The following RBFOX1 variants were observed in gnomAD, a reference collection of about 807,000 sequenced individuals.
RBFOX1 encodes RNA binding fox-1 homolog 1, also known as RNA binding protein fox-1 homolog 1.
In RBFOX1, 8 loss-of-function variants were observed where a neutral mutation model predicts 57.7. The observed-to-expected ratio is 0.14, with a 90% CI of 0.08 to 0.25. RBFOX1 has a LOEUF of 0.25. Ranked by LOEUF, RBFOX1 falls within the 10% of genes least tolerant of loss-of-function variation. The pLI is 1.00. For synonymous variants in RBFOX1, 326 were observed against 222.4 expected (o/e 1.47, Z -4.15); for missense variants, 611 against 548.5 (o/e 1.11, Z -1.14).
intron 4 of RBFOX1, among the ~76,000 whole-genome samples, chr16:6,006,981 C>T (rs922317604): frequency 6.6e-6 from 1 of 152,126 alleles, no homozygotes; most frequent in Non-Finnish European, 1.5e-5. Context: ...ACCAAGCTTT[C>T]TGGGAATGGG....
intron 4 of RBFOX1, among the ~76,000 whole-genome samples, chr16:7,436,558 C>T (rs1358148438): frequency 6.6e-6 from 1 of 152,150 alleles, no homozygotes; most frequent in Non-Finnish European, 1.5e-5. Flanking sequence ...ATAAGTAGTC[C>T]CATTTTAAAG....
In RBFOX1 at chr16:6,658,466, C is replaced by T. The variant is rs572582009; in HGVS notation, c.-16+3816C>T. Among the ~76,000 whole-genome samples the T allele has an allele frequency of 2.6e-5, 4 of 152,202 alleles. No homozygotes were observed. In the South Asian group the frequency reaches 8.3e-4, roughly 32 times the overall value. ...TCGTGATCCGCCTGCTTCAGCCTCC[C>T]AAAGTGCTGGGATTACAGGCATGAG... is the stretch of plus-strand genomic sequence containing the variant. On this transcript the variant is annotated intron_variant, in intron 3 of 15. Coordinates refer to ENST00000550418, the MANE Select transcript of RBFOX1 (RefSeq NM_018723.4).
rs566192913 is a variant in RBFOX1 at position 5,530,132 on chromosome 16, TG to T, written c.258+62880del. Among the ~76,000 whole-genome samples the T allele has an allele frequency of 3.9e-5, 6 of 152,274 alleles. No individual in the cohort carries two copies. In the South Asian group the frequency reaches 1.2e-3, roughly 32 times the overall value. Reference sequence around the variant, plus strand: ...TGGCACTTTGCTATGGTAGCCCCAGTGGTCTCATACACCCTTAGAGCCTGAG... The same window carrying T: ...TGGCACTTTGCTATGGTAGCCCCAGTGTCTCATACACCCTTAGAGCCTGAG... On this transcript the variant is annotated intron_variant, in intron 2 of 2. Transcript: ENST00000585867.
intron 4 of RBFOX1, among the ~76,000 whole-genome samples, chr16:5,892,468 G>T (rs1486332928): frequency 6.6e-6 from 1 of 152,158 alleles, no homozygotes; most frequent in African/African-American, 2.4e-5. Flanking sequence ...TGGGTTAAGT[G>T]AGTTACTGCT....
At chr16:6,989,310 A>C (rs1222514165) in intron 3 of RBFOX1, among the ~76,000 whole-genome samples, 1 of 152,222 alleles carries the variant, frequency 6.6e-6, no homozygotes, top group Non-Finnish European at 1.5e-5. Flanking sequence ...AGATATATTT[A>C]CAATTATATG....
intron 1 of RBFOX1, among the ~76,000 whole-genome samples, chr16:6,237,593 T>C (rs1196212382): frequency 6.6e-6 from 1 of 151,906 alleles, no homozygotes. Flanking sequence ...AATACAAAAA[T>C]TAGTGGGGCG....
chr16:7,021,334 A>G (rs1284910541), intron 3 of RBFOX1, among the ~76,000 whole-genome samples: 1 of 147,882 alleles, frequency 6.8e-6, no homozygotes, highest in Non-Finnish European at 1.5e-5. Context: ...TTTAATATTT[A>G]AAAACATTTT....
chr16:7,153,449 T>C (rs533062300), intron 4 of RBFOX1, among the ~76,000 whole-genome samples: 75 of 152,136 alleles, frequency 4.9e-4, no homozygotes, highest in African/African-American at 1.8e-3. Context: ...TGAAAGGACA[T>C]CTGTTGGCCG....
At chr16:5,332,411 G>A (rs995019748) in intron 1 of RBFOX1, among the ~76,000 whole-genome samples, 1 of 151,852 alleles carries the variant, frequency 6.6e-6, no homozygotes, top group African/African-American at 2.4e-5. Context: ...ACAGGTACAT[G>A]CCACCATGCC....
chr16:7,154,182 A>C (rs1285539723), intron 4 of RBFOX1, among the ~76,000 whole-genome samples: 1 of 152,212 alleles, frequency 6.6e-6, no homozygotes, highest in Non-Finnish European at 1.5e-5. Context: ...TGATGTGCCA[A>C]GTGTTGTGAG....
chr16:7,341,969 C>G (rs572578508), intron 4 of RBFOX1, among the ~76,000 whole-genome samples: 1 of 152,116 alleles, frequency 6.6e-6, no homozygotes, highest in South Asian at 2.1e-4. Context: ...TTCTCTTCTG[C>G]TCTTTAATCT....
intron 1 of RBFOX1, among the ~76,000 whole-genome samples, chr16:6,043,917 T>A (rs1201945415): frequency 1.3e-5 from 2 of 152,150 alleles, no homozygotes; most frequent in Admixed American, 6.5e-5. Flanking sequence ...CTCCTTTCCT[T>A]CTGGGACCCT....
intron 11 of RBFOX1, among the ~76,000 whole-genome samples, chr16:7,643,065 A>G (rs2063115452): frequency 6.6e-6 from 1 of 152,202 alleles, no homozygotes; most frequent in Admixed American, 6.5e-5. Context: ...GCCATTTATA[A>G]CCTGTGAGGA....
At chr16:6,296,482 G>T (rs947744042) in intron 1 of RBFOX1, among the ~76,000 whole-genome samples, 2 of 151,582 alleles carry the variant, frequency 1.3e-5, no homozygotes, top group Non-Finnish European at 2.9e-5. Flanking sequence ...GTGCAATGGC[G>T]GGATCTCGGC....
chr16:6,119,118 G>A (rs2096529470), intron 1 of RBFOX1, among the ~76,000 whole-genome samples: 1 of 151,446 alleles, frequency 6.6e-6, no homozygotes, highest in Admixed American at 6.6e-5. Flanking sequence ...TTTCCACATA[G>A]GTTTTACAGA....
At chr16:5,722,693 A>T (rs1300310981) in intron 3 of RBFOX1, among the ~76,000 whole-genome samples, 3 of 152,186 alleles carry the variant, frequency 2.0e-5, no homozygotes, top group Non-Finnish European at 4.4e-5. Context: ...TTTCTCAAAC[A>T]TACCCAGCTC....
intron 2 of RBFOX1, among the ~76,000 whole-genome samples, chr16:6,634,664 A>T (rs1305403711): frequency 4.7e-5 from 4 of 84,526 alleles, no homozygotes; most frequent in African/African-American, 1.4e-4. Flanking sequence ...AAATATATGT[A>T]TATATGTAAA....
chr16:6,501,612 A>T (rs1219065375), intron 2 of RBFOX1, among the ~76,000 whole-genome samples: 2 of 152,036 alleles, frequency 1.3e-5, no homozygotes, highest in Non-Finnish European at 2.9e-5. Context: ...GTGTGCATGC[A>T]TGTGTCTTTA....
intron 4 of RBFOX1, among the ~76,000 whole-genome samples, chr16:7,297,801 A>G (rs552740501): frequency 1.3e-5 from 2 of 152,312 alleles, no homozygotes; most frequent in South Asian, 2.1e-4. Flanking sequence ...ATAAATCTGT[A>G]CAGAGTAAAA....
Sources: gnomAD v4.1 joint callset for allele counts (sites outside exome capture counted in the v4.1 genomes callset) on GRCh38, gnomAD v4.1.1 for gene constraint, MANE v1.5 for transcripts, NCBI Gene and HGNC (gene_info 2026-07-23, HGNC 2026-07-21) for gene names.